SRGAP1: variants seen among roughly 807,000 people sequenced by gnomAD.
The protein encoded by SRGAP1 is SLIT-ROBO Rho GTPase activating protein 1, also known as SLIT-ROBO Rho GTPase-activating protein 1.
In SRGAP1, 43 loss-of-function variants were observed where a neutral mutation model predicts 121.9. The ratio of observed to expected loss-of-function variants is 0.35; its 90% CI spans 0.28 to 0.46. The LOEUF (loss-of-function observed/expected upper bound fraction) is 0.46, where lower values mean the gene tolerates loss of function less well. Among genes scored for constraint, SRGAP1 ranks in the 20% least tolerant of loss-of-function variants. The pLI is 1.00. For missense variants in SRGAP1, 1,102 were observed against 1,350.9 expected, an observed-to-expected ratio of 0.82 and a Z score of 2.89; for synonymous variants, 447 against 485.4, an observed-to-expected ratio of 0.92 and a Z score of 1.04.
chr12:63,974,163 C>T (rs1419766773), intron 1 of SRGAP1, among the ~76,000 whole-genome samples: 1 of 152,074 alleles, frequency 6.6e-6, no homozygotes, highest in Non-Finnish European at 1.5e-5. Context: ...ACTGCCCTTT[C>T]CTACAATGTT....
intron 1 of SRGAP1, among the ~76,000 whole-genome samples, chr12:63,982,081 C>T (rs1339506523): frequency 6.6e-6 from 1 of 152,026 alleles, no homozygotes; most frequent in Non-Finnish European, 1.5e-5. Context: ...GGCATGGTGG[C>T]AGGCGCCTGT....
At chr12:63,984,286 T>C (rs2033354451) in intron 2 of SRGAP1, 144 bp downstream of exon 2, 2 of 411,818 alleles carry the variant, frequency 4.9e-6, no homozygotes, top group Non-Finnish European at 8.4e-6. Context: ...CCTCTACATT[T>C]GTAACTTATG....
chr12:64,046,891 A>G (rs1016372207), intron 6 of SRGAP1, among the ~76,000 whole-genome samples: 1 of 152,100 alleles, frequency 6.6e-6, no homozygotes, highest in Non-Finnish European at 1.5e-5. Context: ...TCTGACATAA[A>G]TAGTGTTTTC....
intron 2 of SRGAP1, among the ~76,000 whole-genome samples, chr12:63,985,164 AG>A (rs1230315507): frequency 6.6e-6 from 1 of 152,176 alleles, no homozygotes; most frequent in Non-Finnish European, 1.5e-5. Flanking sequence ...GGGGAAGGGA[AG>A]GTCCTGAAAG....
intron 1 of SRGAP1, among the ~76,000 whole-genome samples, chr12:63,930,018 G>T (rs1206795429): frequency 6.6e-6 from 1 of 152,032 alleles, no homozygotes; most frequent in African/African-American, 2.4e-5. Context: ...CAGTCAGAAT[G>T]GCAATTATTA....
At chr12:63,913,422 G>A (rs2030615060) in intron 1 of SRGAP1, among the ~76,000 whole-genome samples, 1 of 139,264 alleles carries the variant, frequency 7.2e-6, no homozygotes, top group Admixed American at 7.4e-5. Context: ...CTCCCAAGGT[G>A]CTGGGATTAT....
rs1187018668 is a variant in SRGAP1 at position 63,913,454 on chromosome 12, CATATATATATATATATATATATGGATAT to C, written c.67+68581_67+68608del. Among the ~76,000 whole-genome samples the C allele has an allele frequency of 2.5e-3, 305 of 124,100 alleles. 4 individuals are homozygous for C. Among genetic ancestry groups the C allele is most frequent in the African/African-American group, 8.7e-3 (293 of 33,614 alleles). 81.4% of individuals were successfully genotyped at this position (124,100 alleles called of 152,430 possible). A position where few individuals can be genotyped will look rare whatever the true frequency, so the allele number is the denominator to read the frequency against. ...TTATAGGCATGTGTCACTGTGTCCA[CATATATATATATATATATATATGGATAT>C]ATATATATAAATACACATATATGTG... is the stretch of plus-strand genomic sequence containing the variant. On this transcript the variant is annotated intron_variant, in intron 1 of 21. Coordinates refer to ENST00000355086, the MANE Select transcript of SRGAP1 (RefSeq NM_020762.4).
At chr12:64,098,619 A>G (rs942685337) in intron 15 of SRGAP1, among the ~76,000 whole-genome samples, 1 of 151,986 alleles carries the variant, frequency 6.6e-6, no homozygotes, top group Non-Finnish European at 1.5e-5. Flanking sequence ...GCAGTGAGCC[A>G]AGATCGTGCC....
At chr12:63,886,669 G>A (rs1900396126) in intron 1 of SRGAP1, among the ~76,000 whole-genome samples, 1 of 151,728 alleles carries the variant, frequency 6.6e-6, no homozygotes, top group African/African-American at 2.4e-5. Context: ...ATGGGATTCT[G>A]CCATGTTCCC....
intron 3 of SRGAP1, among the ~76,000 whole-genome samples, chr12:64,016,559 A>ACTT (rs2034407730): frequency 6.6e-6 from 1 of 152,196 alleles, no homozygotes; most frequent in South Asian, 2.1e-4. Flanking sequence ...AGAGGGAGTT[A>ACTT]ATTTCCCCTT....
chr12:64,065,541 G>A (rs2035522898), intron 8 of SRGAP1, among the ~76,000 whole-genome samples: 1 of 152,076 alleles, frequency 6.6e-6, no homozygotes, highest in South Asian at 2.1e-4. Context: ...ACAATCTTTT[G>A]TACAGTGGAA....
At chr12:63,973,709 G>A (rs1197079418) in intron 1 of SRGAP1, among the ~76,000 whole-genome samples, 3 of 152,096 alleles carry the variant, frequency 2.0e-5, no homozygotes, top group African/African-American at 4.8e-5. Flanking sequence ...AATTAACTCA[G>A]TACTCAGTGC....
intron 4 of SRGAP1, among the ~76,000 whole-genome samples, chr12:64,022,162 T>C (rs560340341): frequency 7.3e-4 from 111 of 152,252 alleles, no homozygotes; most frequent in Non-Finnish European, 1.2e-3. Flanking sequence ...AATGGGTGTG[T>C]GTGTGTGTGT....
At chr12:63,912,937 A>G (rs896696431) in intron 1 of SRGAP1, among the ~76,000 whole-genome samples, 5 of 152,076 alleles carry the variant, frequency 3.3e-5, no homozygotes, top group African/African-American at 1.2e-4. Flanking sequence ...GGTTGCTTAC[A>G]ACAACATTTT....
At position 64,162,203 on chromosome 12, in the gene SRGAP1, C is replaced by A. The variant is rs561507197; in HGVS notation, c.*19531C>A. Reference sequence around the variant, plus strand: ...CCACTGAATTGTATCCAATAAAGTACTAAATTGTATGATATATGAATTATA... The same window carrying A: ...CCACTGAATTGTATCCAATAAAGTAATAAATTGTATGATATATGAATTATA... On this transcript the variant is annotated 3_prime_UTR_variant, in exon 22 of 22. Coordinates refer to ENST00000355086, the MANE Select transcript of SRGAP1 (RefSeq NM_020762.4). 2.8e-4 allele frequency: 42 copies of A among 152,208 alleles called. No homozygotes were observed. The highest frequency in any genetic ancestry group is 1.0e-3 in the African/African-American group (42 of 41,532). 9.4% of individuals were successfully genotyped at this position (152,208 alleles called of 1,614,324 possible).
At chr12:63,948,369 T>C (rs201843163) in intron 1 of SRGAP1, among the ~76,000 whole-genome samples, 1 of 152,114 alleles carries the variant, frequency 6.6e-6, no homozygotes, top group East Asian at 1.9e-4. Context: ...TGTTTGTTTT[T>C]CTCTTAACAA....
intron 8 of SRGAP1, among the ~76,000 whole-genome samples, chr12:64,068,026 A>G (rs1003748705): frequency 1.3e-5 from 2 of 152,016 alleles, no homozygotes; most frequent in African/African-American, 2.4e-5. Flanking sequence ...AATACTTTAA[A>G]TAGTCACTTT....
At chr12:63,927,445 G>C (rs1239811876) in intron 1 of SRGAP1, among the ~76,000 whole-genome samples, 2 of 152,186 alleles carry the variant, frequency 1.3e-5, no homozygotes, top group East Asian at 3.9e-4. Flanking sequence ...AGCAGATGGA[G>C]GTGGCATCCT....
At chr12:63,905,425 A>AAC (rs996743921) in intron 1 of SRGAP1, among the ~76,000 whole-genome samples, 3 of 152,240 alleles carry the variant, frequency 2.0e-5, no homozygotes, top group African/African-American at 7.2e-5. Flanking sequence ...CGGATGGTCC[A>AAC]ACTATCTGAA....
Sources: allele counts gnomAD v4.1 joint callset (sites outside exome capture counted in the v4.1 genomes callset), GRCh38; gene constraint gnomAD v4.1.1; transcripts MANE v1.5; gene names NCBI Gene and HGNC (gene_info 2026-07-23, HGNC 2026-07-21).